Variants in ATR observed in about 807,000 individuals in gnomAD.
ATR encodes serine/threonine-protein kinase ATR.
ATR carries 142 observed loss-of-function variants against 305.3 expected under a neutral mutation model. The ratio of observed to expected loss-of-function variants is 0.47; its 90% CI spans 0.41 to 0.53. The LOEUF is 0.53. Ranked by LOEUF, ATR falls within the 20% of genes least tolerant of loss-of-function variation. The pLI is 0.00. For synonymous variants in ATR, 1,050 were observed against 1,068.1 expected (o/e 0.98, Z 0.33); for missense variants, 2,135 against 3,133.1 (o/e 0.68, Z 7.60).
Position 142,558,689 on chromosome 3 carries a change from C to T in ATR, c.1820G>A (p.Cys607Tyr), listed in dbSNP as rs2034771902. The T allele has an allele frequency of 1.9e-6, 3 of 1,613,186 alleles. No homozygotes were observed. The highest frequency in any genetic ancestry group is 2.5e-6 in the Non-Finnish European group (3 of 1,179,400). ...PWIYSHSDDG[C>Y]LKLTTFAANL... The stretch of plus-strand genomic sequence containing the variant: ...AGCGGCAAATGTGGTCAACTTTAAA[C>T]AGCCATCATCAGAATGGGAATAAAT... Residue 607 changes from cysteine to tyrosine, a missense_variant, in exon 8 of 47, where the codon TGT (cysteine) becomes TAT (tyrosine). Cys to Tyr is a radical substitution (Grantham distance 194). Transcript: ENST00000350721.
At chr3:142,512,207 AT>A in intron 27 of ATR, 52 bp downstream of exon 27, 2 of 1,430,512 alleles carry the variant, frequency 1.4e-6, no homozygotes, top group Non-Finnish European at 1.9e-6. Context: ...GGAAGAGCTA[AT>A]TGGTGAATAG....
chr3:142,544,154 G>C (rs2034169788), intron 16 of ATR, among the ~76,000 whole-genome samples: 2 of 151,830 alleles, frequency 1.3e-5, no homozygotes, highest in African/African-American at 4.8e-5. Context: ...TGTTGTAAAG[G>C]CTAAATAAGA....
chr3:142,550,189 A>G lies in ATR; in HGVS notation c.2919T>C (p.Asn973=). The G allele has an allele frequency of 6.2e-7, 1 of 1,614,200 alleles. No homozygotes were observed. The highest frequency in any genetic ancestry group is 8.5e-7 in the Non-Finnish European group (1 of 1,180,040). ...DVAHQREMAL[N]TLSEIANVFD... is the part of the protein sequence containing the mutation. Reference sequence around the variant, plus strand: ...AAACGTTGGCAATTTCAGACAACGTATTTAAAGCCATTTCTCTCTGGTGAG... The same window carrying G: ...AAACGTTGGCAATTTCAGACAACGTGTTTAAAGCCATTTCTCTCTGGTGAG... Residue 973 remains asparagine (N), a synonymous_variant, in exon 14 of 47, where the codon AAT becomes AAC. Transcript: ENST00000350721.
At chr3:142,474,235 T>C (rs190977558) in intron 36 of ATR, among the ~76,000 whole-genome samples, 6 of 151,642 alleles carry the variant, frequency 4.0e-5, no homozygotes, top group Non-Finnish European at 8.8e-5. Flanking sequence ...CCAGAATTTT[T>C]AAACAAAACA....
rs764165509 is a variant in ATR at position 142,453,161 on chromosome 3, T to A, written c.7728A>T (p.Pro2576=). 10 of 1,614,126 alleles carry A rather than the reference T, an allele frequency of 6.2e-6. No homozygotes were observed. The East Asian group carries it at 2.2e-4, about 36-fold the overall frequency. Residue 2576 remains proline, a synonymous_variant, in exon 46 of 47, where the codon CCA becomes CCT. Transcript: ENST00000350721. ...TGACAACTTCTCCAGTTTCATTCAG[T>A]GGCGCTTTGGAATGCCCTTTCACTG... ...SKPVKGHSKA[P]LNETGEVVNE... is the part of the protein sequence containing the mutation.
intron 21 of ATR, 141 bp from the exon 22 acceptor site, chr3:142,524,340 G>A (rs2033281390): frequency 1.3e-6 from 1 of 792,274 alleles, no homozygotes; most frequent in East Asian, 2.7e-5. Flanking sequence ...AATTTTTTCA[G>A]CTAGTTTTTG....
In ATR at chr3:142,490,362, A is replaced by T. The variant is rs537110997; in HGVS notation, c.6078+2770T>A. Reference sequence around the variant, plus strand: ...TGAGCCACTGTGCCTAGCCTCACAGATCTTTAAATTGTCTTACTAAGTTGT... The same window carrying T: ...TGAGCCACTGTGCCTAGCCTCACAGTTCTTTAAATTGTCTTACTAAGTTGT... On this transcript the variant is annotated intron_variant, in intron 35 of 46. Transcript: ENST00000350721. Among the ~76,000 whole-genome samples the T allele has an allele frequency of 4.6e-5, 7 of 152,274 alleles. No homozygotes were observed. In the East Asian group the frequency reaches 1.4e-3, roughly 29 times the overall value.
intron 45 of ATR, among the ~76,000 whole-genome samples, chr3:142,453,667 A>G (rs979681259): frequency 6.6e-6 from 1 of 152,194 alleles, no homozygotes; most frequent in Non-Finnish European, 1.5e-5. Flanking sequence ...CCAGTTGGAT[A>G]TGTTCCAAAC....
chr3:142,558,986 AAAG>A lies in ATR; in HGVS notation c.1733-213_1733-211del, dbSNP rs140110595. The stretch of plus-strand genomic sequence containing the variant: ...AAAACATGTTATCTATGCCTGTTTT[AAAG>A]AAGAATCACGGCATTCCTCAAACTC... On this transcript the variant is annotated intron_variant, in intron 7 of 46. Coordinates refer to ENST00000350721, the MANE Select transcript of ATR (RefSeq NM_001184.4). The A allele has an allele frequency of 0.022, 13,742 of 633,034 alleles. 1,181 individuals are homozygous for A. Among genetic ancestry groups the A allele is most frequent in the African/African-American group, 0.2 (10,803 of 54,052 alleles). 39.2% of individuals were successfully genotyped at this position (633,034 alleles called of 1,614,324 possible). A position where few individuals can be genotyped will look rare whatever the true frequency, so the allele number is the denominator to read the frequency against.
intron 21 of ATR, among the ~76,000 whole-genome samples, chr3:142,526,555 A>G (rs1282836530): frequency 1.3e-5 from 2 of 152,050 alleles, no homozygotes; most frequent in Middle Eastern, 3.4e-3. Flanking sequence ...ATGCATACAT[A>G]TATGTACACA....
At chr3:142,559,771 G>A (rs570145233) in intron 6 of ATR, among the ~76,000 whole-genome samples, 2 of 152,192 alleles carry the variant, frequency 1.3e-5, no homozygotes, top group Non-Finnish European at 1.5e-5. Flanking sequence ...AGGGTGTGGC[G>A]GCACATGCCT....
At chr3:142,450,460 A>G in intron 46 of ATR, 1 of 1,600,892 alleles carries the variant, frequency 6.2e-7, no homozygotes, top group Non-Finnish European at 8.5e-7. Context: ...CAGAGCTATT[A>G]CTCACTTAAT....
chr3:142,523,534 G>A (rs974202567), intron 22 of ATR, among the ~76,000 whole-genome samples: 2 of 152,066 alleles, frequency 1.3e-5, no homozygotes, highest in Non-Finnish European at 2.9e-5. Context: ...TATAACTCTT[G>A]GAGATATAGT....
At position 142,575,629 on chromosome 3, in the gene ATR, T is replaced by C. The variant is rs114947546; in HGVS notation, c.59+3017A>G. Among the ~76,000 whole-genome samples, 497 of 152,342 alleles carry C rather than the reference T, an allele frequency of 3.3e-3. 1 individual carries two copies. Among genetic ancestry groups the C allele is most frequent in the African/African-American group, 0.011 (451 of 41,580 alleles). On this transcript the variant is annotated intron_variant, in intron 1 of 46. Coordinates refer to ENST00000350721, the MANE Select transcript of ATR (RefSeq NM_001184.4). ...CTCCTCCACATCCCACTGTTCCATT[T>C]AACATTTTAATAGCAACTATCACAT...
chr3:142,497,467 G>T (rs904560961), intron 32 of ATR, among the ~76,000 whole-genome samples: 8 of 151,972 alleles, frequency 5.3e-5, no homozygotes, highest in Non-Finnish European at 1.0e-4. Context: ...GAGGCAGGTG[G>T]ATCACTTGAA....
chr3:142,556,468 C>T lies in ATR; in HGVS notation c.1993G>A (p.Glu665Lys), dbSNP rs750384158. ...VYNWALQSSHEVIRASCVSGF... is the reference protein window; with the variant it reads ...VYNWALQSSHKVIRASCVSGF... Reference sequence around the variant, plus strand: ...CTAACACAACTAGCCCGGATTACTTCATGGGAGCTCTGCAGGGCCCAGTTG... The same window carrying T: ...CTAACACAACTAGCCCGGATTACTTTATGGGAGCTCTGCAGGGCCCAGTTG... Residue 665 changes from glutamate to lysine, a missense_variant, in exon 9 of 47, where the codon GAA becomes AAA. Coordinates refer to ENST00000350721, the MANE Select transcript of ATR (RefSeq NM_001184.4). 6.2e-6 allele frequency: 10 copies of T among 1,613,998 alleles called. No individual in the cohort carries two copies. The highest frequency in any genetic ancestry group is 1.7e-5 in the Admixed American group (1 of 59,992).
Position 142,560,472 on chromosome 3 carries a change from G to A in ATR, c.1350-18C>T. The A allele has an allele frequency of 6.4e-7, 1 of 1,566,176 alleles. No individual in the cohort carries two copies. Among genetic ancestry groups the A allele is most frequent in the Non-Finnish European group, 8.8e-7 (1 of 1,137,000 alleles). On this transcript the variant is annotated intron_variant, in intron 5 of 46. Transcript: ENST00000350721. ...GTTTAATTCTATAATTATGAATATA[G>A]TAGAGAGATATTCATATGCAATATA...
chr3:142,451,486 A>G, intron 46 of ATR: 1 of 1,476,706 alleles, frequency 6.8e-7, no homozygotes. Flanking sequence ...GACATCTTAC[A>G]AAAGAACACA....
chr3:142,541,022 A>G lies in ATR; in HGVS notation c.3463T>C (p.Leu1155=). ...CCCATTAACTTCATCAAAGACATCA[A>G]ACTGTTCAAGGCCTATAGAGTTAAG... The part of the protein sequence containing the change: ...IEDKKMALNS[L]MSLMKLMGPK... Residue 1155 remains leucine, a synonymous_variant, in exon 18 of 47, where the codon TTG becomes CTG. Coordinates refer to ENST00000350721, the MANE Select transcript of ATR (RefSeq NM_001184.4). 1 of 1,613,656 alleles carries G rather than the reference A, an allele frequency of 6.2e-7. No homozygotes were observed. The highest frequency in any genetic ancestry group is 1.3e-5 in the African/African-American group (1 of 75,016).
Sources: gnomAD v4.1 joint callset for allele counts (sites outside exome capture counted in the v4.1 genomes callset) on GRCh38, gnomAD v4.1.1 for gene constraint, MANE v1.5 for transcripts, NCBI Gene and HGNC (gene_info 2026-07-23, HGNC 2026-07-21) for gene names.